Variants in PCDHA10 observed in about 807,000 individuals in gnomAD.
PCDHA10 encodes the protein protocadherin alpha 10.
Under a neutral mutation model 61.2 loss-of-function variants are expected in PCDHA10, and 45 were observed. The ratio of observed to expected loss-of-function variants is 0.74; its 90% CI spans 0.58 to 0.94. The LOEUF is 0.94. Ranked by LOEUF, PCDHA10 falls within the 40% of genes least tolerant of loss-of-function variation. The pLI is 0.00. For missense variants in PCDHA10, 1,278 were observed against 1,236.2 expected, an observed-to-expected ratio of 1.03 and a Z score of -0.51; for synonymous variants, 602 against 548.8, an observed-to-expected ratio of 1.10 and a Z score of -1.35.
intron 3 of PCDHA10, among the ~76,000 whole-genome samples, chr5:141,000,361 G>GTCTCTCTCTC (rs148596731): frequency 1.1e-4 from 3 of 26,446 alleles, no homozygotes; most frequent in East Asian, 1.6e-3. Context: ...GTCTCTCTCT[G>GTCTCTCTCTC]TCTCTCTCTC....
chr5:140,871,401 G>A (rs1400127439), intron 1 of PCDHA10: 4 of 1,614,086 alleles, frequency 2.5e-6, no homozygotes, highest in South Asian at 1.1e-5. Flanking sequence ...CACCTAAGAC[G>A]GACCTCATGG....
intron 1 of PCDHA10, chr5:140,870,393 T>C (rs1554164195): frequency 1.5e-5 from 24 of 1,613,936 alleles, no homozygotes; most frequent in Non-Finnish European, 1.8e-5. Flanking sequence ...GGGATGGGGG[T>C]TCGCCTTCTC....
chr5:140,994,528 C>T (rs1331400819), intron 3 of PCDHA10, among the ~76,000 whole-genome samples: 1 of 137,784 alleles, frequency 7.3e-6, no homozygotes, highest in Non-Finnish European at 1.5e-5. Flanking sequence ...CATGGCAAAA[C>T]CCCATCTCTA....
chr5:140,948,267 A>C (rs964252489), intron 1 of PCDHA10, among the ~76,000 whole-genome samples: 1 of 151,646 alleles, frequency 6.6e-6, no homozygotes, highest in South Asian at 2.1e-4. Context: ...GTGTTCATGT[A>C]GAATATCTGT....
At chr5:140,869,772 T>A (rs1554163433) in intron 1 of PCDHA10, 1 of 1,613,190 alleles carries the variant, frequency 6.2e-7, no homozygotes, top group Non-Finnish European at 8.5e-7. Context: ...CAGAGCTTAC[T>A]GGCACCGTTC....
At chr5:140,985,203 T>C (rs1274620928) in intron 3 of PCDHA10, among the ~76,000 whole-genome samples, 1 of 152,092 alleles carries the variant, frequency 6.6e-6, no homozygotes, top group Non-Finnish European at 1.5e-5. Flanking sequence ...TCCCAAAGTG[T>C]TGGGATTACA....
chr5:141,009,712 C>T lies in PCDHA10; in HGVS notation c.2622C>T (p.Pro874=). The T allele has an allele frequency of 1.2e-6, 2 of 1,614,156 alleles. No individual in the cohort carries two copies. Among genetic ancestry groups the T allele is most frequent in the African/African-American group, 1.3e-5 (1 of 75,034 alleles). ...CCTTTAAATACGGACCAGGCAACCC[C>T]AAACAATCCGGTCCCGGTGAGTTGC... is the stretch of plus-strand genomic sequence containing the variant. ...SWTFKYGPGN[P]KQSGPGELPD... is the part of the protein sequence containing the mutation. The change falls in exon 4 of 4, where the codon CCC becomes CCT. Residue 874 remains proline (P), a synonymous_variant. Transcript: ENST00000307360.
intron 1 of PCDHA10, among the ~76,000 whole-genome samples, chr5:140,897,653 G>A (rs1446334429): frequency 1.3e-5 from 2 of 152,100 alleles, no homozygotes; most frequent in Non-Finnish European, 2.9e-5. Flanking sequence ...AAACATACGT[G>A]TGCATGTGTC....
In PCDHA10 at chr5:140,870,728, C is replaced by G. The variant is rs531202250; in HGVS notation, c.2388+12292C>G. On this transcript the variant is annotated intron_variant, in intron 1 of 3. Transcript: ENST00000307360. Reference sequence around the variant, plus strand: ...GTGAGCGCGCGCGATGCGGGCGTGCCGCCTCTGAGCAGCAACGTGACGCTG... The same window carrying G: ...GTGAGCGCGCGCGATGCGGGCGTGCGGCCTCTGAGCAGCAACGTGACGCTG... The G allele has an allele frequency of 5.0e-6, 8 of 1,613,220 alleles. No individual in the cohort carries two copies. The East Asian group carries it at 6.7e-5, about 13-fold the overall frequency.
chr5:140,877,868 T>A, intron 1 of PCDHA10: 1 of 1,488,916 alleles, frequency 6.7e-7, no homozygotes, highest in Non-Finnish European at 8.9e-7. Context: ...TTAGATATAT[T>A]TGTTTCCTTG....
intron 2 of PCDHA10, among the ~76,000 whole-genome samples, chr5:140,982,139 A>G (rs1381844546): frequency 1.3e-5 from 2 of 152,260 alleles, no homozygotes; most frequent in Non-Finnish European, 2.9e-5. Flanking sequence ...AGCCCTCCTC[A>G]TCTGCTTCAG....
chr5:140,877,581 C>G (rs904001764), intron 1 of PCDHA10: 1 of 1,613,842 alleles, frequency 6.2e-7, no homozygotes, highest in Admixed American at 1.7e-5. Context: ...TCATCATCGC[C>G]ATCTGTGCGG....
intron 1 of PCDHA10, among the ~76,000 whole-genome samples, chr5:140,918,569 G>T (rs374823656): frequency 3.9e-5 from 6 of 152,136 alleles, no homozygotes; most frequent in African/African-American, 1.4e-4. Context: ...TGTATATTAT[G>T]CTGCTATTGG....
intron 1 of PCDHA10, among the ~76,000 whole-genome samples, chr5:140,899,260 T>A (rs2153463432): frequency 6.6e-6 from 1 of 152,272 alleles, no homozygotes; most frequent in South Asian, 2.1e-4. Context: ...GGCATCCCTG[T>A]CTTGTGGCAG....
intron 1 of PCDHA10, among the ~76,000 whole-genome samples, chr5:140,952,839 T>G (rs1270756530): frequency 6.6e-6 from 1 of 152,210 alleles, no homozygotes; most frequent in Non-Finnish European, 1.5e-5. Context: ...GCTGGCCATC[T>G]GCTTGTCTTC....
intron 3 of PCDHA10, among the ~76,000 whole-genome samples, chr5:140,989,980 C>T (rs1172154204): frequency 6.6e-6 from 1 of 152,012 alleles, no homozygotes; most frequent in South Asian, 2.1e-4. Context: ...AGCAACAGCC[C>T]TGCCTGAAAT....
intron 1 of PCDHA10, among the ~76,000 whole-genome samples, chr5:140,912,641 G>C (rs2076009138): frequency 6.6e-6 from 1 of 152,128 alleles, no homozygotes; most frequent in African/African-American, 2.4e-5. Flanking sequence ...TCAGTACTAT[G>C]TTGAATAGAA....
At chr5:140,991,569 A>G (rs1157834136) in intron 3 of PCDHA10, among the ~76,000 whole-genome samples, 4 of 152,188 alleles carry the variant, frequency 2.6e-5, no homozygotes, top group Admixed American at 6.5e-5. Flanking sequence ...GTTTCCAATA[A>G]CAGGCTCCTT....
rs868942705 is a variant in PCDHA10 at position 140,935,763 on chromosome 5, C to T, written c.2389-43186C>T. Reference sequence around the variant, plus strand: ...TATTCCATACAATACACATTCTTCCCCACTTTGAGTTTTTTCACTTAAAAA... The same window carrying T: ...TATTCCATACAATACACATTCTTCCTCACTTTGAGTTTTTTCACTTAAAAA... On this transcript the variant is annotated intron_variant, in intron 1 of 3. Coordinates refer to ENST00000307360, the MANE Select transcript of PCDHA10 (RefSeq NM_018901.4). Among the ~76,000 whole-genome samples, 111 of 152,180 alleles carry T rather than the reference C, an allele frequency of 7.3e-4. 1 individual carries two copies. The highest frequency in any genetic ancestry group is 3.4e-3 in the Middle Eastern group (1 of 294).
Sources: allele counts gnomAD v4.1 joint callset (sites outside exome capture counted in the v4.1 genomes callset), GRCh38; gene constraint gnomAD v4.1.1; transcripts MANE v1.5; gene names NCBI Gene and HGNC (gene_info 2026-07-23, HGNC 2026-07-21).